Variants in NFATC2 observed in about 807,000 individuals in gnomAD.
The protein encoded by NFATC2 is nuclear factor of activated T cells 2, also known as nuclear factor of activated T-cells, cytoplasmic 2.
Under a neutral mutation model 87.3 loss-of-function variants are expected in NFATC2, and 22 were observed. The ratio of observed to expected loss-of-function variants is 0.25; its 90% CI spans 0.18 to 0.36. The LOEUF (loss-of-function observed/expected upper bound fraction) is 0.36. Among genes scored for constraint, NFATC2 ranks in the 10% least tolerant of loss-of-function variants. The probability of loss-of-function intolerance (pLI) is 1.00; values close to 1 mark genes in which losing one functional copy is unlikely to be tolerated. For missense variants in NFATC2, 1,149 were observed against 1,259.1 expected, an observed-to-expected ratio of 0.91 and a Z score of 1.32; for synonymous variants, 565 against 542.2, an observed-to-expected ratio of 1.04 and a Z score of -0.58.
intron 6 of NFATC2, among the ~76,000 whole-genome samples, chr20:51,439,035 A>C (rs1049036391): frequency 3.3e-5 from 5 of 152,158 alleles, no homozygotes; most frequent in African/African-American, 1.2e-4. Context: ...TGTGGGTGGG[A>C]CCCTTGTAGG....
rs371333740 is a variant in NFATC2 at position 51,522,616 on chromosome 20, C to T, written c.1160+465G>A. ...TCCTCCATATAACTGCGGCACACAG[C>T]AGATGCTAACAAACATCACTTCCTC... On this transcript the variant is annotated intron_variant, in intron 2 of 10. Transcript: ENST00000371564. Among the ~76,000 whole-genome samples, 289 of 151,274 alleles carry T rather than the reference C, an allele frequency of 1.9e-3. 8 individuals carry two copies. In the South Asian group the frequency reaches 0.059, roughly 31 times the overall value.
chr20:51,470,489 T>C (rs1038721616), intron 5 of NFATC2, among the ~76,000 whole-genome samples: 2 of 152,168 alleles, frequency 1.3e-5, no homozygotes, highest in Non-Finnish European at 2.9e-5. Flanking sequence ...TGGTAGTTTG[T>C]TCATGTTGTT....
At chr20:51,417,100 T>C (rs758546180) in intron 9 of NFATC2, among the ~76,000 whole-genome samples, 1 of 152,144 alleles carries the variant, frequency 6.6e-6, no homozygotes, top group Non-Finnish European at 1.5e-5. Flanking sequence ...TAACCACCCA[T>C]TGCCTGTGCC....
intron 9 of NFATC2, among the ~76,000 whole-genome samples, chr20:51,400,514 A>T (rs1987909152): frequency 6.6e-6 from 1 of 152,114 alleles, no homozygotes. Flanking sequence ...CGAGAAACCA[A>T]GCCCTGTTCT....
In NFATC2 at chr20:51,524,023, C is replaced by T; in HGVS notation, c.218G>A (p.Ser73Asn). 1 of 1,553,676 alleles carries T rather than the reference C, an allele frequency of 6.4e-7. No individual in the cohort carries two copies. Among genetic ancestry groups the T allele is most frequent in the Non-Finnish European group, 8.7e-7 (1 of 1,154,736 alleles). The change falls in exon 2 of 11, where the codon AGC (serine) becomes AAC (asparagine). Residue 73 changes from serine (S) to asparagine (N), a missense_variant. By Grantham distance (46) the Ser-to-Asn change is conservative (BLOSUM62 1). Transcript: ENST00000371564. This position sits in a 1 kb window ranked among gnomAD's most constrained non-coding sequence, Gnocchi z 4.0. ...DVLDYGLKPY[S>N]PLASLSGEPP... ...CTCGCCAGAGAGACTAGCAAGGGGG[C>T]TGTATGGCTTGAGGCCATAGTCCAG... is the stretch of plus-strand genomic sequence containing the variant.
chr20:51,543,130 CG>C (rs569766108), upstream of NFATC2, among the ~76,000 whole-genome samples: 66 of 152,270 alleles, frequency 4.3e-4, no homozygotes, highest in African/African-American at 1.6e-3. Flanking sequence ...CGTGTGCCCA[CG>C]GGGGCGGCAT....
Position 51,523,863 on chromosome 20 carries a change from C to T in NFATC2, c.378G>A (p.Gly126=), listed in dbSNP as rs992038642. The change falls in exon 2 of 11, where the codon GGG becomes GGA. Residue 126 remains glycine (G), a synonymous_variant. Transcript: ENST00000371564. This position sits in a 1 kb window ranked among gnomAD's most constrained non-coding sequence, Gnocchi z 6.9. ...TPSHELIQAV[G]PLRMRDAGLL... ...GGCCCGCGTCTCTCATGCGGAGGGG[C>T]CCCACTGCCTGGATCAGTTCGTGGG... 1 of 1,609,552 alleles carries T rather than the reference C, an allele frequency of 6.2e-7. No individual in the cohort carries two copies.
chr20:51,403,350 T>A lies in NFATC2; in HGVS notation c.2723-4620A>T, dbSNP rs114919006. 1.5e-3 allele frequency among the ~76,000 whole-genome samples: 227 copies of A among 152,270 alleles called. 2 individuals are homozygous for A. Among genetic ancestry groups the A allele is most frequent in the African/African-American group, 5.2e-3 (216 of 41,540 alleles). On this transcript the variant is annotated intron_variant, in intron 9 of 10. Coordinates refer to ENST00000371564, the MANE Select transcript of NFATC2 (RefSeq NM_012340.5). Reference sequence around the variant, plus strand: ...GTGGCCCTTGCACGTACTGCTATCATCTCAAAGGCCACCTGGAGTGACCAG... The same window carrying A: ...GTGGCCCTTGCACGTACTGCTATCAACTCAAAGGCCACCTGGAGTGACCAG...
intron 1 of NFATC2, among the ~76,000 whole-genome samples, chr20:51,548,436 C>T (rs1388375105): frequency 1.3e-5 from 2 of 152,160 alleles, no homozygotes; most frequent in African/African-American, 4.8e-5. Context: ...AATGCAGTCC[C>T]CACAAGGGCA....
At chr20:51,560,610 A>G (rs2077013034) in intron 1 of NFATC2, among the ~76,000 whole-genome samples, 1 of 152,220 alleles carries the variant, frequency 6.6e-6, no homozygotes. Flanking sequence ...CATTTGGATC[A>G]GCCTGTGTCA....
At chr20:51,486,677 A>G (rs559745856) in intron 3 of NFATC2, among the ~76,000 whole-genome samples, 1 of 146,298 alleles carries the variant, frequency 6.8e-6, no homozygotes, top group South Asian at 2.1e-4. Flanking sequence ...GATGTTCAAT[A>G]AATATTTGCT....
At chr20:51,526,084 G>A (rs6126249) in intron 1 of NFATC2, among the ~76,000 whole-genome samples, 8,754 of 151,876 alleles carry the variant, frequency 0.058, 282 homozygotes, top group Middle Eastern at 0.095. Flanking sequence ...TCCTGCATCT[G>A]CTCAGCCCGC....
chr20:51,542,518 G>C lies in NFATC2; in HGVS notation c.-19C>G. 9.9e-6 allele frequency: 14 copies of C among 1,415,332 alleles called. No individual in the cohort carries two copies. Among genetic ancestry groups the C allele is most frequent in the Non-Finnish European group, 1.3e-5 (14 of 1,089,798 alleles). The allele number at this position is 1,415,332 out of a possible 1,614,324, so 87.7% of individuals were successfully genotyped here. ...CGTTCATGGCGCGCAGGGCGGGAAG[G>C]CTGCGGGGCCGGGGGCGAGGGCGGG... On this transcript the variant is annotated 5_prime_UTR_variant, in exon 1 of 11. Coordinates refer to ENST00000371564, the MANE Select transcript of NFATC2 (RefSeq NM_012340.5).
intron 6 of NFATC2, among the ~76,000 whole-genome samples, chr20:51,443,939 A>C (rs981841805): frequency 6.6e-6 from 1 of 152,014 alleles, no homozygotes; most frequent in Non-Finnish European, 1.5e-5. Context: ...AAAACAAAAA[A>C]AATAGGGTGG....
chr20:51,440,258 A>AAAAAAAAAAAAAG (rs1984152912), intron 6 of NFATC2, among the ~76,000 whole-genome samples: 2 of 141,552 alleles, frequency 1.4e-5, no homozygotes, highest in African/African-American at 5.1e-5. Context: ...AAAAAAAAAA[A>AAAAAAAAAAAAAG]TGTTCAACAG....
intron 9 of NFATC2, chr20:51,399,138 TCTACAGATA>T: frequency 6.1e-6 from 1 of 163,098 alleles, no homozygotes; most frequent in Non-Finnish European, 1.3e-5. Flanking sequence ...CCTTCAGGCA[TCTACAGATA>T]CTAAACTGGG....
At chr20:51,545,357 G>T (rs1208867530), upstream of NFATC2, among the ~76,000 whole-genome samples, 1 of 152,144 alleles carries the variant, frequency 6.6e-6, no homozygotes, top group Non-Finnish European at 1.5e-5. Context: ...ACATAATCTT[G>T]GTAGAGCTAT....
At chr20:51,561,416 GAAAGAGAGAGAAAGAAAAGA>G (rs1568765240) in intron 1 of NFATC2, among the ~76,000 whole-genome samples, 27 of 138,898 alleles carry the variant, frequency 1.9e-4, no homozygotes, top group African/African-American at 6.7e-4. Context: ...AAGAAAGAAA[GAAAGAGAGAGAAAGAAAAGA>G]AAGAAAGAAA....
chr20:51,541,328 T>C (rs2146803281), intron 1 of NFATC2, among the ~76,000 whole-genome samples: 1 of 152,148 alleles, frequency 6.6e-6, no homozygotes, highest in East Asian at 1.9e-4. Context: ...TCAACAAGCA[T>C]TGGCTGGGCT....
Sources: allele counts gnomAD v4.1 joint callset (sites outside exome capture counted in the v4.1 genomes callset), GRCh38; gene constraint gnomAD v4.1.1; non-coding constraint Gnocchi (gnomAD v3.1); transcripts MANE v1.5; gene names NCBI Gene and HGNC (gene_info 2026-07-23, HGNC 2026-07-21).